The following ADAM20 variants were observed in gnomAD, a reference collection of about 807,000 sequenced individuals.
ADAM20 encodes disintegrin and metalloproteinase domain-containing protein 20.
For synonymous variants in ADAM20, 305 were observed against 310.2 expected (o/e 0.98, Z 0.18); for missense variants, 871 against 883.2 (o/e 0.99, Z 0.18).
the ADAM20 span, among the ~76,000 whole-genome samples, chr14:70,568,867 T>C: frequency 0.016 from 2,356 of 151,728 alleles, 59 homozygotes; most frequent in African/African-American, 0.048. Context: ...AGCAAGCAAA[T>C]TGGAAAACAT....
rs200719564 is a variant in ADAM20, at chr14:70,523,087, A to G, written c.1671T>C (p.Pro557=). ...ACTGAACCCTCCCACACATGATATC[A>G]GGGGTCCAACATTTTACATATGTTG... ...VGTTYVKCWT[P]DIMCGRVQCE... is the part of the protein sequence containing the mutation. The change falls in exon 2 of 2, where the codon CCT becomes CCC. Residue 557 remains proline (P), a synonymous_variant. Transcript: ENST00000256389. 1 of 1,613,858 alleles carries G rather than the reference A, an allele frequency of 6.2e-7. No individual in the cohort carries two copies. Among genetic ancestry groups the G allele is most frequent in the African/African-American group, 1.3e-5 (1 of 74,912 alleles).
At chr14:70,534,082 C>CAAAAAAAAAAAAAAAAAAA (rs59828723) in intron 1 of ADAM20, among the ~76,000 whole-genome samples, 1 of 54,076 alleles carries the variant, frequency 1.8e-5, no homozygotes, top group Non-Finnish European at 3.9e-5. Flanking sequence ...GACCCTGTCT[C>CAAAAAAAAAAAAAAAAAAA]AAAAAAAAAA....
Position 70,523,015 on chromosome 14 carries a change from C to T in ADAM20, c.1743G>A (p.Val581=). Residue 581 remains valine (V), a synonymous_variant, in exon 2 of 2, where the codon GTG becomes GTA. Coordinates refer to ENST00000256389, the MANE Select transcript of ADAM20 (RefSeq NM_003814.5). ...VIPNLIEHST[V]QQFHLNDTTC... ...TGGTGTCATTGAGGTGAAACTGCTG[C>T]ACTGTAGAATGCTCTATCAGATTGG... The T allele has an allele frequency of 6.2e-7, 1 of 1,614,052 alleles. No homozygotes were observed. Among genetic ancestry groups the T allele is most frequent in the Non-Finnish European group, 8.5e-7 (1 of 1,179,974 alleles).
At chr14:70,561,710 A>C in the ADAM20 span, among the ~76,000 whole-genome samples, 1 of 152,356 alleles carries the variant, frequency 6.6e-6, no homozygotes, top group East Asian at 1.9e-4. Context: ...CCATGGCTAA[A>C]AGGGGCCAAA....
chr14:70,540,714 T>C, the ADAM20 span, among the ~76,000 whole-genome samples: 2 of 152,226 alleles, frequency 1.3e-5, no homozygotes, highest in Admixed American at 6.5e-5. Flanking sequence ...CCTTAGGCAG[T>C]CTAGTCCACA....
At chr14:70,528,938 A>G (rs1883650697) in intron 1 of ADAM20, among the ~76,000 whole-genome samples, 1 of 152,212 alleles carries the variant, frequency 6.6e-6, no homozygotes, top group African/African-American at 2.4e-5. Context: ...ACAAGAGACA[A>G]AAGATGAGAC....
the ADAM20 span, among the ~76,000 whole-genome samples, chr14:70,571,398 C>G: frequency 2.6e-5 from 4 of 152,200 alleles, no homozygotes; most frequent in African/African-American, 9.6e-5. Context: ...CCCCCGCCAC[C>G]TTCTCTCTGC....
the ADAM20 span, among the ~76,000 whole-genome samples, chr14:70,563,676 C>T: frequency 1.3e-5 from 2 of 150,960 alleles, no homozygotes; most frequent in African/African-American, 4.9e-5. Context: ...GTGTATTCTC[C>T]CAAGACCTGG....
intron 1 of ADAM20, among the ~76,000 whole-genome samples, chr14:70,529,830 G>A (rs1595020332): frequency 6.6e-6 from 1 of 152,142 alleles, no homozygotes; most frequent in South Asian, 2.1e-4. Flanking sequence ...TGTGCACTTA[G>A]GCTACAATAC....
the ADAM20 span, among the ~76,000 whole-genome samples, chr14:70,568,994 T>C: frequency 2.0e-4 from 30 of 151,838 alleles, no homozygotes; most frequent in East Asian, 5.8e-3. Context: ...TTCCCAAGGT[T>C]AATACAAAAA....
Position 70,524,264 on chromosome 14 carries a change from T to C in ADAM20, c.494A>G (p.Asp165Gly). ...EHLVYKIDSD[D>G]TQFPPMRCGL... Reference sequence around the variant, plus strand: ...ACATCTCATAGGTGGAAACTGTGTATCATCACTGTCTATCTTATATACTAG... The same window carrying C: ...ACATCTCATAGGTGGAAACTGTGTACCATCACTGTCTATCTTATATACTAG... Residue 165 changes from aspartate (D) to glycine (G), a missense_variant, in exon 2 of 2, where the codon GAT becomes GGT. Transcript: ENST00000256389. 1 of 1,614,054 alleles carries C rather than the reference T, an allele frequency of 6.2e-7. No homozygotes were observed. The highest frequency in any genetic ancestry group is 8.5e-7 in the Non-Finnish European group (1 of 1,179,946).
At chr14:70,559,544 A>G in the ADAM20 span, among the ~76,000 whole-genome samples, 3 of 152,210 alleles carry the variant, frequency 2.0e-5, no homozygotes, top group Non-Finnish European at 2.9e-5. Context: ...GAGTCATATC[A>G]TATCATTACT....
the ADAM20 span, among the ~76,000 whole-genome samples, chr14:70,574,369 G>A: frequency 6.6e-6 from 1 of 152,126 alleles, no homozygotes; most frequent in Non-Finnish European, 1.5e-5. Flanking sequence ...GAAGAGGCCG[G>A]GCATGGTGGC....
At chr14:70,555,426 G>T in the ADAM20 span, among the ~76,000 whole-genome samples, 1 of 152,010 alleles carries the variant, frequency 6.6e-6, no homozygotes, top group African/African-American at 2.4e-5. Flanking sequence ...TTTAAAAAAA[G>T]GTGAAAAATC....
At chr14:70,546,889 A>C in the ADAM20 span, among the ~76,000 whole-genome samples, 1 of 152,034 alleles carries the variant, frequency 6.6e-6, no homozygotes, top group African/African-American at 2.4e-5. Flanking sequence ...AAATACAAAA[A>C]ACAACAACAA....
the ADAM20 span, among the ~76,000 whole-genome samples, chr14:70,570,658 A>G: frequency 6.6e-6 from 1 of 152,204 alleles, no homozygotes; most frequent in African/African-American, 2.4e-5. Context: ...GCCCTGGGCA[A>G]GACAGAGTCA....
intron 1 of ADAM20, among the ~76,000 whole-genome samples, chr14:70,526,359 G>T (rs1174366719): frequency 2.6e-5 from 4 of 152,072 alleles, no homozygotes; most frequent in Non-Finnish European, 5.9e-5. Flanking sequence ...AGAACTAATG[G>T]ATGGCCACCG....
At chr14:70,563,886 T>C in the ADAM20 span, among the ~76,000 whole-genome samples, 1 of 152,230 alleles carries the variant, frequency 6.6e-6, no homozygotes, top group Non-Finnish European at 1.5e-5. Context: ...ATCAATTACC[T>C]AATTTCAGGT....
chr14:70,562,744 CT>C, the ADAM20 span, among the ~76,000 whole-genome samples: 1 of 152,168 alleles, frequency 6.6e-6, no homozygotes, highest in Non-Finnish European at 1.5e-5. Context: ...TCCCCTTCGC[CT>C]TCTGCCATGA....
Sources: allele counts gnomAD v4.1 joint callset (sites outside exome capture counted in the v4.1 genomes callset), GRCh38; gene constraint gnomAD v4.1.1; transcripts MANE v1.5; gene names NCBI Gene and HGNC (gene_info 2026-07-23, HGNC 2026-07-21).